The following ABCA12 variants were observed in gnomAD, a reference collection of about 807,000 sequenced individuals.
ABCA12 encodes the protein ATP binding cassette subfamily A member 12, also known as glucosylceramide transporter ABCA12.
ABCA12 carries 156 observed loss-of-function variants against 293.5 expected under a neutral mutation model. That is an observed-to-expected ratio of 0.53 (90% CI 0.47 to 0.61). ABCA12 has a LOEUF of 0.61. ABCA12 is among the 20% of genes least tolerant of loss of function. The pLI is 0.00. For synonymous variants in ABCA12, 1,063 were observed against 1,108.0 expected, an observed-to-expected ratio of 0.96 and a Z score of 0.81; for missense variants, 2,797 against 3,090.2, an observed-to-expected ratio of 0.91 and a Z score of 2.25.
At chr2:215,001,419 AGGTTCTC>A in intron 21 of ABCA12, 132 bp downstream of exon 21, 1 of 1,005,850 alleles carries the variant, frequency 9.9e-7, no homozygotes. Context: ...CCTACATGAA[AGGTTCTC>A]TTTTCTAAGG....
intron 7 of ABCA12, among the ~76,000 whole-genome samples, chr2:215,043,507 G>A (rs113373530): frequency 1.5e-4 from 23 of 152,000 alleles, no homozygotes; most frequent in African/African-American, 4.3e-4. Flanking sequence ...AATTTGCTCC[G>A]CCAAAATAAT....
intron 2 of ABCA12, among the ~76,000 whole-genome samples, chr2:215,107,335 AGTGTTTTTT>A (rs1235835802): frequency 6.6e-6 from 1 of 152,218 alleles, no homozygotes; most frequent in Non-Finnish European, 1.5e-5. Context: ...GATCCTAAGC[AGTGTTTTTT>A]GGCTTTAACA....
intron 19 of ABCA12, 119 bp downstream of exon 19, chr2:215,007,608 G>T: frequency 7.6e-7 from 1 of 1,324,456 alleles, no homozygotes; most frequent in Non-Finnish European, 1.1e-6. Flanking sequence ...CTCTGGAAGA[G>T]AGGCAATTTA....
Position 214,980,516 on chromosome 2 carries a change from G to A in ABCA12, c.4707C>T (p.Gly1569=), listed in dbSNP as rs202141656. The change falls in exon 31 of 53, where the codon GGC becomes GGT. Residue 1569 remains glycine, a synonymous_variant. Transcript: ENST00000272895. ...TGGTAAGCGTGAGGTGATACCCATC[G>A]CCAAAGGCTTCCTTGAGGTAAAATG... ...GSPFYLKEAF[G]DGYHLTLTKK... is the part of the protein sequence containing the mutation. The A allele has an allele frequency of 4.6e-4, 746 of 1,613,716 alleles. 2 individuals carry two copies. The highest frequency in any genetic ancestry group is 9.7e-4 in the South Asian group (88 of 91,062).
At chr2:215,068,585 C>T (rs562403434) in intron 2 of ABCA12, among the ~76,000 whole-genome samples, 2 of 152,024 alleles carry the variant, frequency 1.3e-5, no homozygotes, top group Admixed American at 1.3e-4. Flanking sequence ...CTCCCCCATC[C>T]TTCTTTTCCT....
At chr2:215,042,873 AAT>A (rs1701127771) in intron 7 of ABCA12, among the ~76,000 whole-genome samples, 1 of 152,134 alleles carries the variant, frequency 6.6e-6, no homozygotes, top group Non-Finnish European at 1.5e-5. Context: ...AACCTCTGGT[AAT>A]CATTATTCTA....
intron 45 of ABCA12, among the ~76,000 whole-genome samples, chr2:214,950,384 C>CTGTGTGTGTGTG (rs61619476): frequency 8.6e-6 from 1 of 116,584 alleles, no homozygotes; most frequent in African/African-American, 2.9e-5. Flanking sequence ...ATATATATAT[C>CTGTGTGTGTGTG]TGTGTGTGTG....
At chr2:214,963,556 T>C (rs1699171782) in intron 39 of ABCA12, among the ~76,000 whole-genome samples, 2 of 131,300 alleles carry the variant, frequency 1.5e-5, no homozygotes, top group South Asian at 5.0e-4. Context: ...CCTCCCTAAC[T>C]AATTCTATGA....
At chr2:215,122,473 G>C (rs900614268) in intron 1 of ABCA12, among the ~76,000 whole-genome samples, 4 of 152,162 alleles carry the variant, frequency 2.6e-5, no homozygotes, top group African/African-American at 9.7e-5. Context: ...AGACAAACTT[G>C]TCCTTAAATT....
chr2:214,949,053 T>C lies in ABCA12; in HGVS notation c.6949A>G (p.Arg2317Gly), dbSNP rs754210649. ...AGTTTTTCATACCCGGTCTTATTTC[T>C]GATCAGAATGTTTCCACTTGAAGGA... Reference protein sequence around the residue: ...IIPSSGNILIRNKTGSLGHVD... With the variant: ...IIPSSGNILIGNKTGSLGHVD... Residue 2317 changes from arginine to glycine, a missense_variant, in exon 46 of 53, where the codon AGA (arginine) becomes GGA (glycine). By Grantham distance (125) the Arg-to-Gly change is moderately radical (BLOSUM62 -2). Coordinates refer to ENST00000272895, the MANE Select transcript of ABCA12 (RefSeq NM_173076.3). 6.2e-7 allele frequency: 1 copy of C among 1,613,534 alleles called. No individual in the cohort carries two copies.
chr2:215,080,169 CT>C (rs1465074205), intron 2 of ABCA12, among the ~76,000 whole-genome samples: 2 of 152,058 alleles, frequency 1.3e-5, no homozygotes, highest in African/African-American at 2.4e-5. Context: ...AATGTAGTTA[CT>C]TAAAATTCCT....
chr2:214,933,633 A>G (rs1698131863), intron 52 of ABCA12, among the ~76,000 whole-genome samples: 1 of 152,178 alleles, frequency 6.6e-6, no homozygotes, highest in Non-Finnish European at 1.5e-5. Context: ...AACGGAAAGG[A>G]TTCTGCATTT....
intron 1 of ABCA12, among the ~76,000 whole-genome samples, chr2:215,131,886 TTTCTC>T (rs1182310877): frequency 1.3e-5 from 2 of 151,998 alleles, no homozygotes. Context: ...GCTATAAACT[TTTCTC>T]TTAGCACTGC....
chr2:215,098,574 T>A (rs1003357305), intron 2 of ABCA12, among the ~76,000 whole-genome samples: 4 of 152,244 alleles, frequency 2.6e-5, no homozygotes, highest in African/African-American at 9.6e-5. Context: ...ACTCATTTGT[T>A]CAACAAATAT....
chr2:215,084,800 C>T (rs903953557), intron 2 of ABCA12, among the ~76,000 whole-genome samples: 1 of 152,016 alleles, frequency 6.6e-6, no homozygotes, highest in Non-Finnish European at 1.5e-5. Context: ...ACTCAAAAAA[C>T]CACTGTTGAA....
chr2:215,067,071 A>G (rs908328585), intron 2 of ABCA12, among the ~76,000 whole-genome samples: 2 of 152,134 alleles, frequency 1.3e-5, no homozygotes, highest in African/African-American at 2.4e-5. Context: ...CTTGTAAAAA[A>G]AATGATATTT....
rs1482099751 is a variant in ABCA12 at position 215,082,005 on chromosome 2, C to CATATGCAGT, written c.164-17795_164-17787dup. Among the ~76,000 whole-genome samples the CATATGCAGT allele has an allele frequency of 6.8e-4, 103 of 150,976 alleles. 1 individual carries two copies. The highest frequency in any genetic ancestry group is 2.5e-3 in the African/African-American group (101 of 41,160). ...AAGTATGACTCCCACTTCACAAGTCCATATGCAGTTACATATTATTTACTG... is the reference window on the plus strand; with the variant it reads ...AAGTATGACTCCCACTTCACAAGTCCATATGCAGTATATGCAGTTACATATTATTTACTG... On this transcript the variant is annotated intron_variant, in intron 2 of 52. Coordinates refer to ENST00000272895, the MANE Select transcript of ABCA12 (RefSeq NM_173076.3).
intron 1 of ABCA12, among the ~76,000 whole-genome samples, chr2:215,124,567 T>C (rs534845797): frequency 6.6e-6 from 1 of 152,300 alleles, no homozygotes; most frequent in African/African-American, 2.4e-5. Context: ...ATGCTGAGCA[T>C]TTTTTCATAT....
At chr2:215,105,595 ACACACG>A (rs1443382903) in intron 2 of ABCA12, among the ~76,000 whole-genome samples, 2 of 136,376 alleles carry the variant, frequency 1.5e-5, no homozygotes, top group African/African-American at 6.9e-5. Context: ...ACACACACAC[ACACACG>A]CACACACACA....
Sources: allele counts gnomAD v4.1 joint callset (sites outside exome capture counted in the v4.1 genomes callset), GRCh38; gene constraint gnomAD v4.1.1; transcripts MANE v1.5; gene names NCBI Gene and HGNC (gene_info 2026-07-23, HGNC 2026-07-21).